ATAD1: variants seen among roughly 807,000 people sequenced by gnomAD.
ATAD1 encodes the protein ATPase family AAA domain containing 1.
ATAD1 carries 18 observed loss-of-function variants against 42.7 expected under a neutral mutation model. The ratio of observed to expected loss-of-function variants is 0.42; its 90% CI spans 0.29 to 0.63. The LOEUF (loss-of-function observed/expected upper bound fraction) is 0.63. ATAD1 is among the 20% of genes least tolerant of loss of function. The pLI, the probability that ATAD1 is intolerant of heterozygous loss-of-function variation, is 0.19. For synonymous variants in ATAD1, 132 were observed against 143.1 expected (o/e 0.92, Z 0.55); for missense variants, 294 against 440.4 (o/e 0.67, Z 2.98).
intron 2 of ATAD1, among the ~76,000 whole-genome samples, chr10:87,797,865 G>A (rs886221784): frequency 4.6e-5 from 7 of 152,026 alleles, no homozygotes; most frequent in African/African-American, 1.2e-4. Context: ...GCTTTTCTGC[G>A]CACATTTGTG....
intron 9 of ATAD1, 21 bp from the exon 10 acceptor site, chr10:87,754,828 T>A: frequency 6.2e-7 from 1 of 1,604,824 alleles, no homozygotes; most frequent in Non-Finnish European, 8.5e-7. Flanking sequence ...AACAAAACCA[T>A]CAAATACTCA....
chr10:87,841,324 C>T (rs1358564220), exon 1 of ATAD1: 1 of 152,152 alleles, frequency 6.6e-6, no homozygotes, highest in Non-Finnish European at 1.5e-5. Context: ...GAGATGACAT[C>T]TTCTGAACCT....
intron 6 of ATAD1, among the ~76,000 whole-genome samples, chr10:87,776,024 C>T (rs543842864): frequency 6.6e-6 from 1 of 152,272 alleles, no homozygotes; most frequent in Admixed American, 6.5e-5. Flanking sequence ...TAGTCACTTC[C>T]TCTCCTTAGC....
intron 2 of ATAD1, among the ~76,000 whole-genome samples, chr10:87,797,680 G>A (rs539618086): frequency 6.6e-6 from 1 of 152,172 alleles, no homozygotes; most frequent in Non-Finnish European, 1.5e-5. Flanking sequence ...TTTGACCTTG[G>A]TGTGTGTAAT....
intron 4 of ATAD1, among the ~76,000 whole-genome samples, chr10:87,786,817 T>C (rs1194727145): frequency 6.6e-6 from 1 of 152,024 alleles, no homozygotes; most frequent in Non-Finnish European, 1.5e-5. Flanking sequence ...TAGCCAGGCA[T>C]GGTGGTGCAC....
intron 2 of ATAD1, among the ~76,000 whole-genome samples, chr10:87,807,639 TCTTA>T (rs1431881220): frequency 2.0e-5 from 3 of 152,186 alleles, no homozygotes; most frequent in African/African-American, 7.2e-5. Flanking sequence ...TATTATTTTT[TCTTA>T]CTGATTCAGA....
chr10:87,819,661 A>G (rs190222833), upstream of ATAD1, among the ~76,000 whole-genome samples: 278 of 152,318 alleles, frequency 1.8e-3, 1 homozygote, highest in African/African-American at 4.2e-3. Context: ...TAAAGCTTAA[A>G]CCTTAGAGAA....
At chr10:87,776,530 G>T in intron 5 of ATAD1, 103 bp from the exon 6 acceptor site, 1 of 820,272 alleles carries the variant, frequency 1.2e-6, no homozygotes, top group Non-Finnish European at 2.0e-6. Flanking sequence ...GTGCAATGGC[G>T]CAATTACAGC....
chr10:87,810,809 TAC>T (rs1413428275), intron 2 of ATAD1, among the ~76,000 whole-genome samples: 1 of 152,218 alleles, frequency 6.6e-6, no homozygotes, highest in Non-Finnish European at 1.5e-5. Context: ...GTTGAAATAC[TAC>T]AGATAGCCTT....
intron 3 of ATAD1, 129 bp from the exon 4 acceptor site, chr10:87,790,559 A>T (rs1404139161): frequency 1.0e-5 from 10 of 978,000 alleles, no homozygotes; most frequent in Non-Finnish European, 1.4e-5. Context: ...ATATATTAAC[A>T]TAAGTAAAGA....
intron 3 of ATAD1, among the ~76,000 whole-genome samples, chr10:87,792,035 T>C (rs1356545077): frequency 6.6e-6 from 1 of 152,148 alleles, no homozygotes; most frequent in Non-Finnish European, 1.5e-5. Flanking sequence ...CAAAGGCAAA[T>C]ACATAAAAGT....
chr10:87,812,200 T>C (rs1390356379), intron 2 of ATAD1, among the ~76,000 whole-genome samples: 1 of 152,206 alleles, frequency 6.6e-6, no homozygotes, highest in East Asian at 1.9e-4. Context: ...CCTTAAAACA[T>C]TGTATATCAC....
rs140984775 is a variant in ATAD1 at position 87,755,594 on chromosome 10, T to C, written c.966-787A>G. Among the ~76,000 whole-genome samples, 730 of 152,200 alleles carry C rather than the reference T, an allele frequency of 4.8e-3. 7 individuals are homozygous for C. The highest frequency in any genetic ancestry group is 0.016 in the African/African-American group (678 of 41,534). The stretch of plus-strand genomic sequence containing the variant: ...AATTTACGAACTGGTTGGTTATTTC[T>C]CCTCTTAATCTTATATATAAGAATA... On this transcript the variant is annotated intron_variant, in intron 9 of 9. Transcript: ENST00000680024.
chr10:87,794,741 T>C (rs1163683798), intron 2 of ATAD1, among the ~76,000 whole-genome samples: 1 of 152,232 alleles, frequency 6.6e-6, no homozygotes. Flanking sequence ...AATTTTACTC[T>C]ATGCCTAAAT....
chr10:87,805,945 T>C (rs1856902772), intron 2 of ATAD1, among the ~76,000 whole-genome samples: 2 of 152,132 alleles, frequency 1.3e-5, no homozygotes, highest in South Asian at 2.1e-4. Flanking sequence ...GACCATTCTA[T>C]AACACGTTTA....
intron 6 of ATAD1, among the ~76,000 whole-genome samples, chr10:87,772,464 C>A (rs1855092212): frequency 6.6e-6 from 1 of 152,032 alleles, no homozygotes; most frequent in South Asian, 2.1e-4. Flanking sequence ...GAAAAAATTT[C>A]TTCCAAATTT....
At chr10:87,756,223 T>G (rs1203853893) in intron 9 of ATAD1, among the ~76,000 whole-genome samples, 1 of 152,174 alleles carries the variant, frequency 6.6e-6, no homozygotes, top group Non-Finnish European at 1.5e-5. Flanking sequence ...ACAGAAATTG[T>G]TAGAAGGCTG....
chr10:87,762,249 A>C (rs1282396088), intron 8 of ATAD1, among the ~76,000 whole-genome samples: 1 of 152,218 alleles, frequency 6.6e-6, no homozygotes, highest in African/African-American at 2.4e-5. Flanking sequence ...ATCCTTCATT[A>C]AAATGGTTTA....
upstream of ATAD1, among the ~76,000 whole-genome samples, chr10:87,820,169 C>T (rs1857604963): frequency 6.6e-6 from 1 of 152,082 alleles, no homozygotes; most frequent in South Asian, 2.1e-4. Context: ...TCCACTGGGT[C>T]CTTGGATGAT....
Sources: gnomAD v4.1 joint callset for allele counts (sites outside exome capture counted in the v4.1 genomes callset) on GRCh38, gnomAD v4.1.1 for gene constraint, MANE v1.5 for transcripts, NCBI Gene and HGNC (gene_info 2026-07-23, HGNC 2026-07-21) for gene names.